Variants in ZNF266 observed in about 807,000 individuals in gnomAD.
The protein encoded by ZNF266 is zinc finger protein 1.
A neutral mutation model predicts 16.4 loss-of-function variants in ZNF266; 16 were observed. That is an observed-to-expected ratio of 0.98 (90% CI 0.66 to 1.48). The LOEUF (loss-of-function observed/expected upper bound fraction) is 1.48. ZNF266 is among the 40% of genes most tolerant of loss of function. The pLI, the probability that ZNF266 is intolerant of heterozygous loss-of-function variation, is 0.00. For synonymous variants in ZNF266, 262 were observed against 237.9 expected (o/e 1.10, Z -0.93); for missense variants, 738 against 689.1 (o/e 1.07, Z -0.79).
intron 9 of ZNF266, among the ~76,000 whole-genome samples, chr19:9,417,385 TAA>T (rs1276303630): frequency 6.7e-6 from 1 of 148,526 alleles, no homozygotes; most frequent in Non-Finnish European, 1.5e-5. Context: ...AAAATAAAAA[TAA>T]AAAAAATAAT....
intron 5 of ZNF266, among the ~76,000 whole-genome samples, chr19:9,431,637 G>A (rs1568425630): frequency 6.6e-6 from 1 of 152,170 alleles, no homozygotes; most frequent in Non-Finnish European, 1.5e-5. Flanking sequence ...CATAGCTACA[G>A]TGGTGTCCTG....
At chr19:9,418,959 CAACAA>C (rs2069451538) in intron 7 of ZNF266, 1 of 180,802 alleles carries the variant, frequency 5.5e-6, no homozygotes, top group Admixed American at 5.9e-5. Context: ...TCAGAACACT[CAACAA>C]AATAAAAACT....
Position 9,422,409 on chromosome 19 carries a change from AC to A in ZNF266, c.-129-2192del, listed in dbSNP as rs371514693. Among the ~76,000 whole-genome samples, 567 of 152,294 alleles carry A rather than the reference AC, an allele frequency of 3.7e-3. 3 individuals carry two copies. Among genetic ancestry groups the A allele is most frequent in the African/African-American group, 0.013 (534 of 41,558 alleles). ...GACTACAGCCCCATCACAATTCATA[AC>A]ACAATATGCATCTGAGTTCTGAGGA... On this transcript the variant is annotated intron_variant, in intron 5 of 10. Coordinates refer to ENST00000592904, the MANE Select transcript of ZNF266 (RefSeq NM_001370374.1).
intron 5 of ZNF266, among the ~76,000 whole-genome samples, chr19:9,430,672 T>C (rs1013550406): frequency 2.0e-5 from 3 of 152,308 alleles, no homozygotes; most frequent in Non-Finnish European, 2.9e-5. Flanking sequence ...GTTTGTGACA[T>C]AGCCTACTTG....
At chr19:9,430,485 T>C (rs58185583) in intron 5 of ZNF266, among the ~76,000 whole-genome samples, 85,685 of 151,956 alleles carry the variant, frequency 0.56, 24,387 homozygotes, top group Middle Eastern at 0.63. Context: ...CACACCACTC[T>C]TGCCCCTTGG....
intron 5 of ZNF266, among the ~76,000 whole-genome samples, chr19:9,430,521 C>T (rs1205068514): frequency 6.6e-6 from 1 of 152,200 alleles, no homozygotes; most frequent in Admixed American, 6.5e-5. Context: ...CTAACCTTTA[C>T]ATATGCTTTA....
Position 9,413,223 on chromosome 19 carries a change from G to A in ZNF266, c.*52C>T. ...CATTCATAGGGTTTCTCCCCAGTGA[G>A]TTTTCATGTCTTCAGAGAGAACAGG... is the stretch of plus-strand genomic sequence containing the variant. On this transcript the variant is annotated 3_prime_UTR_variant, in exon 11 of 11. Transcript: ENST00000592904. The A allele has an allele frequency of 1.3e-6, 2 of 1,523,590 alleles. No homozygotes were observed. Among genetic ancestry groups the A allele is most frequent in the Non-Finnish European group, 1.8e-6 (2 of 1,139,100 alleles). 94.4% of individuals were successfully genotyped at this position (1,523,590 alleles called of 1,614,324 possible). A position where few individuals can be genotyped will look rare whatever the true frequency, so the allele number is the denominator to read the frequency against.
chr19:9,422,338 T>C (rs966914342), intron 5 of ZNF266, among the ~76,000 whole-genome samples: 4 of 152,166 alleles, frequency 2.6e-5, no homozygotes, highest in Non-Finnish European at 5.9e-5. Context: ...CAGTGATGGC[T>C]GGACAGACAA....
chr19:9,414,555 T>C lies in ZNF266; in HGVS notation c.571A>G (p.Thr191Ala), dbSNP rs375483321. ...CTAAATACAGAACGTTGCTCTCCAG[T>C]AGAGGTTTTCTTGTGCAGAGTAAGG... is the stretch of plus-strand genomic sequence containing the variant. ...DFLTLHKKTS[T>A]GEQRSVFSQC... The change falls in exon 11 of 11, where the codon ACT (threonine) becomes GCT (alanine). Residue 191 changes from threonine (T) to alanine (A), a missense_variant. Transcript: ENST00000592904. 5.3e-5 allele frequency: 86 copies of C among 1,613,868 alleles called. No individual in the cohort carries two copies. The highest frequency in any genetic ancestry group is 7.0e-5 in the Non-Finnish European group (83 of 1,179,838).
chr19:9,417,702 T>C, intron 9 of ZNF266, 126 bp downstream of exon 9: 1 of 699,704 alleles, frequency 1.4e-6, no homozygotes, highest in Non-Finnish European at 2.4e-6. Context: ...GAGCTGAGAC[T>C]GTGCCACGGC....
At chr19:9,421,387 T>A (rs1435390697) in intron 5 of ZNF266, among the ~76,000 whole-genome samples, 1 of 152,238 alleles carries the variant, frequency 6.6e-6, no homozygotes, top group East Asian at 1.9e-4. Context: ...AAACCAATTA[T>A]GTTATTTTAA....
At position 9,419,267 on chromosome 19, in the gene ZNF266, TTTC is replaced by T. The variant is rs1371343260; in HGVS notation, c.55_57del (p.Glu19del). 6.5e-6 allele frequency: 1 copy of T among 154,026 alleles called. No individual in the cohort carries two copies. 9.5% of individuals were successfully genotyped at this position (154,026 alleles called of 1,614,324 possible). A position where few individuals can be genotyped will look rare whatever the true frequency, so the allele number is the denominator to read the frequency against. On this transcript the variant is annotated inframe_deletion, in exon 7 of 11. Transcript: ENST00000592904. ...GCCACCACCCTTTCTACTTCTGTCTTTTCTTGAAGGCAGACTGGGTCCCTGTAA... is the reference window on the plus strand; with the variant it reads ...GCCACCACCCTTTCTACTTCTGTCTTTTGAAGGCAGACTGGGTCCCTGTAA...
At position 9,414,662 on chromosome 19, in the gene ZNF266, C is replaced by A. The variant is rs1447245834; in HGVS notation, c.464G>T (p.Ser155Ile). Residue 155 changes from serine (S) to isoleucine (I), a missense_variant, in exon 11 of 11, where the codon AGT becomes ATT. Ser to Ile is a moderately radical substitution (Grantham distance 142). Transcript: ENST00000592904. ...ATGTGTCTTAAGGCATGAGTGTTCA[C>A]TGGAGACATCTCCACATTGCTTAAC... ...SDVKQCGDVS[S>I]EHSCLKTHVR... 6 of 1,598,356 alleles carry A rather than the reference C, an allele frequency of 3.8e-6. No homozygotes were observed. Among genetic ancestry groups the A allele is most frequent in the Non-Finnish European group, 5.1e-6 (6 of 1,167,120 alleles).
chr19:9,432,016 C>T (rs761724598), intron 5 of ZNF266, among the ~76,000 whole-genome samples: 19 of 152,178 alleles, frequency 1.2e-4, no homozygotes, highest in African/African-American at 1.9e-4. Context: ...AGTGCAGTAG[C>T]GCAATCTCAG....
At chr19:9,418,395 T>C in intron 8 of ZNF266, 110 bp downstream of exon 8, 1 of 1,205,762 alleles carries the variant, frequency 8.3e-7, no homozygotes, top group Non-Finnish European at 1.2e-6. Context: ...GCAGGGACTA[T>C]GTCTGTTATT....
chr19:9,417,784 C>A, intron 9 of ZNF266, 44 bp downstream of exon 9: 2 of 1,482,988 alleles, frequency 1.3e-6, no homozygotes, highest in Non-Finnish European at 1.9e-6. Flanking sequence ...TACTTATAAA[C>A]ATACTGAACT....
rs2072277643 is a variant in ZNF266 at position 9,435,131 on chromosome 19, T to C, written c.-495A>G. 1 of 135,592 alleles carries C rather than the reference T, an allele frequency of 7.4e-6. No individual in the cohort carries two copies. Among genetic ancestry groups the C allele is most frequent in the Non-Finnish European group, 1.6e-5 (1 of 62,550 alleles). 8.4% of individuals were successfully genotyped at this position (135,592 alleles called of 1,614,324 possible). ...ACCGCGACGAGCTGGACTCGCCAGG[T>C]ACGGGAGATTGGGGGGATGAAGGAC... On this transcript the variant is annotated 5_prime_UTR_variant, in exon 2 of 11. Coordinates refer to ENST00000592904, the MANE Select transcript of ZNF266 (RefSeq NM_001370374.1).
chr19:9,424,703 C>A (rs991605248), intron 5 of ZNF266, among the ~76,000 whole-genome samples: 3 of 152,082 alleles, frequency 2.0e-5, no homozygotes, highest in Non-Finnish European at 2.9e-5. Context: ...TTTATATACA[C>A]ATTATTAGAG....
intron 5 of ZNF266, among the ~76,000 whole-genome samples, chr19:9,426,068 A>G (rs996439154): frequency 6.6e-6 from 1 of 152,038 alleles, no homozygotes; most frequent in African/African-American, 2.4e-5. Flanking sequence ...AGATGACGGC[A>G]CCTCGCTGGC....
Sources: allele counts gnomAD v4.1 joint callset (sites outside exome capture counted in the v4.1 genomes callset), GRCh38; gene constraint gnomAD v4.1.1; transcripts MANE v1.5; gene names NCBI Gene and HGNC (gene_info 2026-07-23, HGNC 2026-07-21).